The following NRG1 variants were observed in gnomAD, a reference collection of about 807,000 sequenced individuals.
NRG1 encodes pro-neuregulin-1, membrane-bound isoform.
In NRG1, 18 loss-of-function variants were observed where a neutral mutation model predicts 63.8. The ratio of observed to expected loss-of-function variants is 0.28; its 90% CI spans 0.19 to 0.42. The LOEUF (loss-of-function observed/expected upper bound fraction) is 0.42, where lower values mean the gene tolerates loss of function less well. NRG1 is among the 10% of genes least tolerant of loss of function. NRG1 has a pLI of 1.00. For missense variants in NRG1, 762 were observed against 814.7 expected (o/e 0.94, Z 0.79); for synonymous variants, 302 against 301.3 (o/e 1.00, Z -0.02).
chr8:31,886,193 T>C (rs926895816), intron 1 of NRG1, among the ~76,000 whole-genome samples: 1 of 152,132 alleles, frequency 6.6e-6, no homozygotes, highest in Non-Finnish European at 1.5e-5. Flanking sequence ...GCTTGCTGGC[T>C]ACCAACAATA....
At chr8:31,712,283 T>TTTTC (rs1428504681) in intron 1 of NRG1, among the ~76,000 whole-genome samples, 2 of 76,506 alleles carry the variant, frequency 2.6e-5, no homozygotes, top group Non-Finnish European at 5.6e-5. Flanking sequence ...TTTTTTTTTT[T>TTTTC]TTGATGGAGT....
rs949291415 is a variant in NRG1, at chr8:31,758,575, T to G, written c.37+119144T>G. 5.9e-5 allele frequency among the ~76,000 whole-genome samples: 9 copies of G among 152,084 alleles called. No individual in the cohort carries two copies. In the East Asian group the frequency reaches 1.5e-3, roughly 26 times the overall value. ...TTCATGTCCTTTTCAAGGACATGGA[T>G]GAAGTGCCTGGATTATTTAGCTTGG... is the stretch of plus-strand genomic sequence containing the variant. On this transcript the variant is annotated intron_variant, in intron 1 of 10. Transcript: ENST00000519301.
At position 31,648,421 on chromosome 8, in the gene NRG1, C is replaced by T. The variant is rs981779893; in HGVS notation, c.37+8990C>T. 2.6e-4 allele frequency among the ~76,000 whole-genome samples: 40 copies of T among 152,064 alleles called. 1 individual carries two copies. The highest frequency in any genetic ancestry group is 9.7e-4 in the African/African-American group (40 of 41,408). On this transcript the variant is annotated intron_variant, in intron 1 of 10. Coordinates refer to the NRG1 transcript ENST00000519301. ...TGCTGGGATTACAGGCGTGAGCCAC[C>T]GCGCCCGGCCCTACCTTTCTTAAGT... is the stretch of plus-strand genomic sequence containing the variant.
chr8:32,748,196 T>C (rs1406249057), intron 7 of NRG1, among the ~76,000 whole-genome samples: 1 of 152,104 alleles, frequency 6.6e-6, no homozygotes, highest in African/African-American at 2.4e-5. Flanking sequence ...ACTTAAGAGA[T>C]ACCTTGCCAT....
rs757312519 is a variant in NRG1, at chr8:32,660,362, A to T, written c.502+43477A>T. Among the ~76,000 whole-genome samples the T allele has an allele frequency of 2.4e-4, 37 of 152,224 alleles. 1 individual carries two copies. Among genetic ancestry groups the T allele is most frequent in the Non-Finnish European group, 4.1e-4 (28 of 68,042 alleles). On this transcript the variant is annotated intron_variant, in intron 5 of 11. Transcript: ENST00000356819. ...CGTATATTTATGGAATAAAAGTTAC[A>T]CTGAGGGTAACTTGCTTATGGGAGT...
chr8:32,697,495 G>A (rs1813673944), intron 5 of NRG1, among the ~76,000 whole-genome samples: 1 of 152,116 alleles, frequency 6.6e-6, no homozygotes, highest in South Asian at 2.1e-4. Context: ...GATAATGTTG[G>A]ACCATCTTCA....
At chr8:32,373,060 C>T (rs1809133704) in intron 1 of NRG1, among the ~76,000 whole-genome samples, 2 of 152,106 alleles carry the variant, frequency 1.3e-5, no homozygotes, top group Non-Finnish European at 2.9e-5. Flanking sequence ...CTGCGATAAG[C>T]CCTTGGGGTG....
At chr8:31,914,755 G>C (rs1386393492) in intron 1 of NRG1, among the ~76,000 whole-genome samples, 1 of 151,296 alleles carries the variant, frequency 6.6e-6, no homozygotes, top group Non-Finnish European at 1.5e-5. Flanking sequence ...TTTTTTTTCA[G>C]GATTTTCTTG....
intron 1 of NRG1, among the ~76,000 whole-genome samples, chr8:32,328,429 T>A (rs865948445): frequency 0.024 from 2,659 of 112,202 alleles, 58 homozygotes; most frequent in African/African-American, 0.087. Flanking sequence ...ATTTAACATC[T>A]TTTTTTTTTT....
chr8:32,092,298 A>C (rs1422424419), intron 1 of NRG1, among the ~76,000 whole-genome samples: 1 of 151,752 alleles, frequency 6.6e-6, no homozygotes, highest in Non-Finnish European at 1.5e-5. Flanking sequence ...TCTACAAAAA[A>C]TAGAAAAACT....
At chr8:32,408,952 A>G (rs1814499235) in intron 1 of NRG1, among the ~76,000 whole-genome samples, 1 of 151,972 alleles carries the variant, frequency 6.6e-6, no homozygotes, top group Admixed American at 6.6e-5. Context: ...ATGTGTACTC[A>G]TTATTTAGTT....
chr8:32,394,409 T>G (rs1420586143), intron 1 of NRG1, among the ~76,000 whole-genome samples: 1 of 152,212 alleles, frequency 6.6e-6, no homozygotes, highest in African/African-American at 2.4e-5. Context: ...TTTATCTACG[T>G]CTTCTCTGTC....
chr8:32,156,756 A>G (rs1049759675), intron 1 of NRG1, among the ~76,000 whole-genome samples: 5 of 152,176 alleles, frequency 3.3e-5, no homozygotes, highest in Admixed American at 6.5e-5. Context: ...GGCTAACATA[A>G]TGAGACCCAG....
chr8:32,358,934 A>G (rs1645082248), intron 1 of NRG1, among the ~76,000 whole-genome samples: 1 of 152,182 alleles, frequency 6.6e-6, no homozygotes, highest in African/African-American at 2.4e-5. Flanking sequence ...ATTCTAAGAA[A>G]TCATGGGGCA....
intron 1 of NRG1, among the ~76,000 whole-genome samples, chr8:31,950,232 A>G (rs369884823): frequency 3.8e-4 from 58 of 152,360 alleles, no homozygotes; most frequent in African/African-American, 1.4e-3. Context: ...TCCAGTGGAA[A>G]ATACAGACAA....
intron 1 of NRG1, among the ~76,000 whole-genome samples, chr8:31,978,878 A>G (rs1488467599): frequency 6.6e-6 from 1 of 152,158 alleles, no homozygotes; most frequent in African/African-American, 2.4e-5. Context: ...GTGCCTGTCT[A>G]TTGCCAACCC....
intron 1 of NRG1, among the ~76,000 whole-genome samples, chr8:32,361,084 C>T (rs1422884500): frequency 2.0e-5 from 3 of 152,060 alleles, no homozygotes; most frequent in Admixed American, 1.3e-4. Context: ...TTGTGATGGC[C>T]GGCAAGCTGA....
At chr8:32,618,555 G>T (rs1056726984) in intron 5 of NRG1, among the ~76,000 whole-genome samples, 15 of 152,040 alleles carry the variant, frequency 9.9e-5, no homozygotes, top group African/African-American at 3.6e-4. Context: ...TTTGGCAATG[G>T]TTTAAAACTA....
chr8:32,432,192 G>C (rs1018651888), intron 1 of NRG1, among the ~76,000 whole-genome samples: 1 of 151,962 alleles, frequency 6.6e-6, no homozygotes, highest in African/African-American at 2.4e-5. Context: ...GGTAAACCTG[G>C]GCTCATCCCT....
Sources: gnomAD v4.1 joint callset for allele counts (sites outside exome capture counted in the v4.1 genomes callset) on GRCh38, gnomAD v4.1.1 for gene constraint, MANE v1.5 for transcripts, NCBI Gene and HGNC (gene_info 2026-07-23, HGNC 2026-07-21) for gene names.